TAX1BP1: variants seen among roughly 807,000 people sequenced by gnomAD.
The protein encoded by TAX1BP1 is tax1-binding protein 1.
TAX1BP1 carries 62 observed loss-of-function variants against 97.7 expected under a neutral mutation model. The ratio of observed to expected loss-of-function variants is 0.63; its 90% CI spans 0.52 to 0.78. The LOEUF is 0.78. Ranked by LOEUF, TAX1BP1 falls within the 30% of genes least tolerant of loss-of-function variation. The probability of loss-of-function intolerance (pLI) is 0.00; values close to 1 mark genes in which losing one functional copy is unlikely to be tolerated. For synonymous variants in TAX1BP1, 340 were observed against 304.2 expected (o/e 1.12, Z -1.23); for missense variants, 867 against 916.1 (o/e 0.95, Z 0.69).
At chr7:27,798,895 T>G (rs922916840) in intron 12 of TAX1BP1, among the ~76,000 whole-genome samples, 9 of 145,170 alleles carry the variant, frequency 6.2e-5, no homozygotes, top group African/African-American at 2.0e-4. Context: ...TTGAGTTGTG[T>G]TTTTTTTTTT....
intron 1 of TAX1BP1, among the ~76,000 whole-genome samples, chr7:27,741,165 A>C (rs1327970190): frequency 1.3e-5 from 2 of 152,196 alleles, no homozygotes; most frequent in Non-Finnish European, 2.9e-5. Context: ...TGGGAAAATA[A>C]ATCTTGATTT....
chr7:27,756,965 T>G (rs1038192920), intron 2 of TAX1BP1, among the ~76,000 whole-genome samples: 1 of 152,160 alleles, frequency 6.6e-6, no homozygotes, highest in Admixed American at 6.5e-5. Context: ...CTCCAGTACT[T>G]TCTCTTCTAT....
chr7:27,816,848 A>G lies in TAX1BP1; in HGVS notation c.1937-42A>G, dbSNP rs761418008. The G allele has an allele frequency of 3.1e-6, 5 of 1,609,772 alleles. No individual in the cohort carries two copies. In the South Asian group the frequency reaches 5.5e-5, roughly 18 times the overall value. On this transcript the variant is annotated intron_variant, in intron 14 of 16. Transcript: ENST00000396319. Reference sequence around the variant, plus strand: ...ATCTGTATATACAGATGTTAGTTGTAGTAACCAGTTTCACTCTACCTTTCC... The same window carrying G: ...ATCTGTATATACAGATGTTAGTTGTGGTAACCAGTTTCACTCTACCTTTCC...
intron 1 of TAX1BP1, among the ~76,000 whole-genome samples, chr7:27,741,575 A>C (rs1266518872): frequency 2.0e-5 from 3 of 149,336 alleles, no homozygotes; most frequent in Non-Finnish European, 4.4e-5. Context: ...ATCGCGGCTC[A>C]TTGCAACCTC....
At chr7:27,827,906 A>T in intron 16 of TAX1BP1, 86 bp downstream of exon 16, 1 of 1,204,134 alleles carries the variant, frequency 8.3e-7, no homozygotes. Context: ...TTAGAAATGC[A>T]CATGTGTAGG....
intron 13 of TAX1BP1, among the ~76,000 whole-genome samples, chr7:27,800,456 C>T (rs139579416): frequency 6.6e-6 from 1 of 152,094 alleles, no homozygotes; most frequent in Non-Finnish European, 1.5e-5. Flanking sequence ...GTGACCCACT[C>T]CTGTAATCCC....
intron 5 of TAX1BP1, among the ~76,000 whole-genome samples, chr7:27,775,556 T>C (rs1458039426): frequency 6.6e-6 from 1 of 152,046 alleles, no homozygotes; most frequent in Non-Finnish European, 1.5e-5. Context: ...GTAATTTGTT[T>C]AGGATGAGAC....
At chr7:27,745,766 G>T (rs1787792828) in intron 1 of TAX1BP1, among the ~76,000 whole-genome samples, 1 of 151,842 alleles carries the variant, frequency 6.6e-6, no homozygotes, top group South Asian at 2.1e-4. Context: ...TGTTAATAGG[G>T]CTATTTAAAA....
intron 15 of TAX1BP1, among the ~76,000 whole-genome samples, chr7:27,823,903 T>G (rs949459592): frequency 2.6e-5 from 4 of 152,228 alleles, no homozygotes; most frequent in African/African-American, 9.6e-5. Flanking sequence ...GCATAATGAC[T>G]TCAAGGTTCA....
chr7:27,815,369 T>C (rs188890064), intron 13 of TAX1BP1, among the ~76,000 whole-genome samples: 5 of 152,348 alleles, frequency 3.3e-5, no homozygotes, highest in Non-Finnish European at 5.9e-5. Context: ...AAAATATTTC[T>C]TCTGCATCAA....
At chr7:27,745,997 A>G (rs991505017) in intron 1 of TAX1BP1, among the ~76,000 whole-genome samples, 3 of 152,112 alleles carry the variant, frequency 2.0e-5, no homozygotes, top group African/African-American at 7.2e-5. Context: ...CAGTGAACTA[A>G]AAGTATAAGG....
chr7:27,786,884 G>C (rs536759443), intron 7 of TAX1BP1, among the ~76,000 whole-genome samples: 1 of 152,262 alleles, frequency 6.6e-6, no homozygotes, highest in East Asian at 1.9e-4. Flanking sequence ...TGTGTGTTAG[G>C]AGCAAATCAG....
chr7:27,773,976 G>A (rs952093647), intron 5 of TAX1BP1, among the ~76,000 whole-genome samples: 1 of 152,034 alleles, frequency 6.6e-6, no homozygotes, highest in Non-Finnish European at 1.5e-5. Context: ...TGGATGTGAT[G>A]TACTTCAAGG....
chr7:27,793,294 T>A (rs545540142), intron 10 of TAX1BP1, 82 bp downstream of exon 10: 1 of 1,201,776 alleles, frequency 8.3e-7, no homozygotes, highest in African/African-American at 1.6e-5. Context: ...ATTCCAAATA[T>A]CAACCTTTTA....
At chr7:27,808,569 C>G (rs1019369003) in intron 13 of TAX1BP1, among the ~76,000 whole-genome samples, 1 of 152,128 alleles carries the variant, frequency 6.6e-6, no homozygotes, top group Admixed American at 6.6e-5. Context: ...TCAGAACATT[C>G]CCATGATGGC....
intron 2 of TAX1BP1, among the ~76,000 whole-genome samples, chr7:27,757,627 G>C (rs1339642410): frequency 6.6e-6 from 1 of 152,012 alleles, no homozygotes; most frequent in Non-Finnish European, 1.5e-5. Context: ...TGTTGGATCT[G>C]CTAGACATTC....
chr7:27,803,336 G>A (rs1790210181), intron 13 of TAX1BP1, among the ~76,000 whole-genome samples: 1 of 152,260 alleles, frequency 6.6e-6, no homozygotes. Context: ...TGTTTATCTG[G>A]TTTTCTTTTG....
intron 15 of TAX1BP1, among the ~76,000 whole-genome samples, chr7:27,823,108 T>C (rs1299967330): frequency 1.3e-5 from 2 of 152,198 alleles, no homozygotes; most frequent in Non-Finnish European, 2.9e-5. Flanking sequence ...TTAGATAAAT[T>C]ATATATAGTT....
chr7:27,814,173 C>T (rs930628818), intron 13 of TAX1BP1, among the ~76,000 whole-genome samples: 37 of 150,688 alleles, frequency 2.5e-4, no homozygotes, highest in African/African-American at 2.7e-4. Context: ...TCTGTAGTCA[C>T]GTGCCAGTCT....
Sources: gnomAD v4.1 joint callset for allele counts (sites outside exome capture counted in the v4.1 genomes callset) on GRCh38, gnomAD v4.1.1 for gene constraint, MANE v1.5 for transcripts, NCBI Gene and HGNC (gene_info 2026-07-23, HGNC 2026-07-21) for gene names.